Variants in FGGY observed in about 807,000 individuals in gnomAD.
FGGY encodes FGGY carbohydrate kinase domain-containing protein.
FGGY carries 72 observed loss-of-function variants against 71.3 expected under a neutral mutation model. The observed-to-expected ratio is 1.01, with a 90% CI of 0.84 to 1.23. The LOEUF (loss-of-function observed/expected upper bound fraction) is 1.23. Ranked by LOEUF, FGGY falls within the 50% of genes most tolerant of loss-of-function variation. The probability of loss-of-function intolerance (pLI) is 0.00; values close to 1 mark genes in which losing one functional copy is unlikely to be tolerated. For missense variants in FGGY, 668 were observed against 682.3 expected (o/e 0.98, Z 0.23); for synonymous variants, 251 against 250.3 (o/e 1.00, Z -0.02).
chr1:59,705,625 G>A (rs2097752379), intron 14 of FGGY, among the ~76,000 whole-genome samples: 1 of 152,194 alleles, frequency 6.6e-6, no homozygotes, highest in Admixed American at 6.5e-5. Flanking sequence ...GCAGCCTGAA[G>A]TCATCTGAGC....
chr1:59,664,000 G>A (rs549057740), intron 12 of FGGY, among the ~76,000 whole-genome samples: 32 of 152,254 alleles, frequency 2.1e-4, no homozygotes, highest in African/African-American at 7.2e-4. Context: ...GTTAACTTGG[G>A]ACTGTGCAAA....
intron 9 of FGGY, among the ~76,000 whole-genome samples, chr1:59,612,066 A>G (rs1246137242): frequency 6.6e-6 from 1 of 152,242 alleles, no homozygotes; most frequent in Non-Finnish European, 1.5e-5. Context: ...CCAACTGGGA[A>G]AACACTCTGC....
Position 59,682,395 on chromosome 1 carries a change from G to A in FGGY, c.1512+8262G>A, listed in dbSNP as rs185973616. Among the ~76,000 whole-genome samples the A allele has an allele frequency of 3.3e-5, 5 of 152,314 alleles. No individual in the cohort carries two copies. In the East Asian group the frequency reaches 9.6e-4, roughly 29 times the overall value. On this transcript the variant is annotated intron_variant, in intron 14 of 15. Transcript: ENST00000303721. ...GTTAGTGTCCTCACAGGTAAACAGA[G>A]GGCACCCTCAAATTTGAGTAATTTG...
intron 8 of FGGY, among the ~76,000 whole-genome samples, chr1:59,556,023 A>T (rs547257825): frequency 6.6e-6 from 1 of 152,318 alleles, no homozygotes; most frequent in African/African-American, 2.4e-5. Flanking sequence ...TAATAATTTC[A>T]GCATATTTCT....
intron 5 of FGGY, among the ~76,000 whole-genome samples, chr1:59,417,957 T>G (rs1183566700): frequency 6.6e-6 from 1 of 152,166 alleles, no homozygotes; most frequent in Non-Finnish European, 1.5e-5. Context: ...TAAAGATAAT[T>G]TACATGATTG....
intron 7 of FGGY, among the ~76,000 whole-genome samples, chr1:59,540,515 G>A (rs113911644): frequency 6.6e-6 from 1 of 152,312 alleles, no homozygotes; most frequent in South Asian, 2.1e-4. Context: ...AGCAAATCCT[G>A]TGGTGTAGAC....
chr1:59,339,217 T>G (rs1373436221), intron 2 of FGGY, among the ~76,000 whole-genome samples: 1 of 152,154 alleles, frequency 6.6e-6, no homozygotes, highest in African/African-American at 2.4e-5. Context: ...TATACAAATA[T>G]TCCAAAATCT....
chr1:59,639,927 G>A (rs2097003184), intron 11 of FGGY, among the ~76,000 whole-genome samples: 1 of 152,090 alleles, frequency 6.6e-6, no homozygotes, highest in Admixed American at 6.5e-5. Context: ...ATCATCAGAA[G>A]GATATTCTAA....
rs2072009581 is a variant in FGGY, at chr1:59,449,067, T to C, written c.555-7894T>C. Reference sequence around the variant, plus strand: ...AGTTTTTGCATTACATGTTTGCTAGTCCTAGGCCAAAACAAAAGGAGAAAA... The same window carrying C: ...AGTTTTTGCATTACATGTTTGCTAGCCCTAGGCCAAAACAAAAGGAGAAAA... On this transcript the variant is annotated intron_variant, in intron 5 of 15. Transcript: ENST00000303721. 2.6e-5 allele frequency among the ~76,000 whole-genome samples: 4 copies of C among 152,320 alleles called. No homozygotes were observed. The South Asian group carries it at 8.3e-4, about 32-fold the overall frequency.
At chr1:59,390,295 AT>A (rs1470423249) in intron 5 of FGGY, among the ~76,000 whole-genome samples, 3 of 152,224 alleles carry the variant, frequency 2.0e-5, no homozygotes, top group Admixed American at 6.5e-5. Flanking sequence ...ATAAGGGCTC[AT>A]TCTTTCCTGT....
chr1:59,748,464 C>G (rs1573995153), intron 14 of FGGY, among the ~76,000 whole-genome samples: 1 of 152,110 alleles, frequency 6.6e-6, no homozygotes, highest in East Asian at 1.9e-4. Flanking sequence ...GAAGACCATT[C>G]CTGAGAGATT....
At chr1:59,634,375 C>T (rs1298671101) in intron 10 of FGGY, among the ~76,000 whole-genome samples, 1 of 152,030 alleles carries the variant, frequency 6.6e-6, no homozygotes, top group Admixed American at 6.6e-5. Flanking sequence ...CCACTGCACT[C>T]CAGCCTAGTG....
At chr1:59,668,170 G>A (rs1413700687) in intron 13 of FGGY, among the ~76,000 whole-genome samples, 2 of 152,162 alleles carry the variant, frequency 1.3e-5, no homozygotes, top group Non-Finnish European at 2.9e-5. Context: ...CAAGCCCCTA[G>A]GACCCAAGGA....
chr1:59,520,728 G>A (rs1384381162), intron 7 of FGGY, among the ~76,000 whole-genome samples: 2 of 152,164 alleles, frequency 1.3e-5, no homozygotes. Context: ...AGGTGAGGGA[G>A]ACTTTAAGAA....
At chr1:59,330,436 G>C (rs2048241639) in intron 2 of FGGY, among the ~76,000 whole-genome samples, 1 of 152,068 alleles carries the variant, frequency 6.6e-6, no homozygotes, top group Non-Finnish European at 1.5e-5. Flanking sequence ...GGGCGTGGTG[G>C]TGTGCGCCTG....
At chr1:59,590,062 G>T (rs2096399328) in intron 8 of FGGY, among the ~76,000 whole-genome samples, 1 of 152,096 alleles carries the variant, frequency 6.6e-6, no homozygotes, top group African/African-American at 2.4e-5. Flanking sequence ...AAGAAGAAAA[G>T]AGAGAAGAAT....
chr1:59,684,947 T>G (rs897315697), intron 14 of FGGY, among the ~76,000 whole-genome samples: 1 of 152,256 alleles, frequency 6.6e-6, no homozygotes, highest in African/African-American at 2.4e-5. Context: ...TCATTTGATC[T>G]TCACCACAAC....
intron 2 of FGGY, among the ~76,000 whole-genome samples, chr1:59,339,525 C>T (rs747706261): frequency 5.2e-4 from 79 of 151,970 alleles, no homozygotes; most frequent in South Asian, 8.3e-4. Flanking sequence ...AGTACAATGG[C>T]GTGATCTCGG....
At chr1:59,465,712 AACAG>A (rs202142508) in intron 6 of FGGY, among the ~76,000 whole-genome samples, 5,830 of 152,278 alleles carry the variant, frequency 0.038, 151 homozygotes, top group Non-Finnish European at 0.063. Flanking sequence ...ATACACCAAC[AACAG>A]ACAGACAGAG....
Sources: gnomAD v4.1 joint callset for allele counts (sites outside exome capture counted in the v4.1 genomes callset) on GRCh38, gnomAD v4.1.1 for gene constraint, MANE v1.5 for transcripts, NCBI Gene and HGNC (gene_info 2026-07-23, HGNC 2026-07-21) for gene names.